Variants in DAB1 observed in about 807,000 individuals in gnomAD.
DAB1 encodes the protein disabled homolog 1.
Under a neutral mutation model 64.6 loss-of-function variants are expected in DAB1, and 15 were observed. The observed-to-expected ratio is 0.23, with a 90% CI of 0.16 to 0.36. DAB1 has a LOEUF of 0.36. DAB1 is among the 10% of genes least tolerant of loss of function. The pLI is 1.00. For missense variants in DAB1, 596 were observed against 706.7 expected (o/e 0.84, Z 1.78); for synonymous variants, 235 against 251.9 (o/e 0.93, Z 0.64).
intron 3 of DAB1, among the ~76,000 whole-genome samples, chr1:58,453,806 T>G (rs1322303473): frequency 6.6e-6 from 1 of 152,058 alleles, no homozygotes; most frequent in East Asian, 1.9e-4. Flanking sequence ...ATTGTAGGAC[T>G]TCACAAAGAT....
At chr1:58,301,234 A>C (rs59915141) in intron 4 of DAB1, among the ~76,000 whole-genome samples, 1 of 51,490 alleles carries the variant, frequency 1.9e-5, no homozygotes, top group African/African-American at 4.3e-5. Flanking sequence ...GGGGGTGGAG[A>C]GGGGGGGGTC....
chr1:57,217,595 G>A (rs1328726200), intron 2 of DAB1, among the ~76,000 whole-genome samples: 1 of 152,124 alleles, frequency 6.6e-6, no homozygotes, highest in East Asian at 1.9e-4. Flanking sequence ...GGAGCAAGGT[G>A]ACCAAAATCT....
intron 7 of DAB1, among the ~76,000 whole-genome samples, chr1:57,555,168 G>A (rs1456475615): frequency 6.6e-6 from 1 of 150,806 alleles, no homozygotes; most frequent in Non-Finnish European, 1.5e-5. Context: ...CCAAGTAGCT[G>A]GGACTACAGG....
In DAB1 at chr1:57,259,206, G is replaced by T. The variant is rs568441088; in HGVS notation, c.67+31758C>A. On this transcript the variant is annotated intron_variant, in intron 2 of 14. Transcript: ENST00000371236. ...CCAGGCCACTGTCTGACCTCTTTGG[G>T]TCATTCAGCCAAGAAACTCTAGTAA... Among the ~76,000 whole-genome samples, 44 of 152,258 alleles carry T rather than the reference G, an allele frequency of 2.9e-4. No individual in the cohort carries two copies. In the South Asian group the frequency reaches 7.7e-3, roughly 27 times the overall value.
intron 3 of DAB1, among the ~76,000 whole-genome samples, chr1:58,406,997 C>T (rs1182776914): frequency 6.6e-6 from 1 of 152,102 alleles, no homozygotes; most frequent in East Asian, 1.9e-4. Context: ...GTTATCATTG[C>T]CAGTAGCAGA....
At chr1:57,346,029 A>G (rs78986785) in intron 1 of DAB1, among the ~76,000 whole-genome samples, 267 of 152,324 alleles carry the variant, frequency 1.8e-3, no homozygotes, top group Middle Eastern at 0.01. Context: ...TGAGATCGAG[A>G]GAAGAAACCT....
chr1:58,501,744 G>A (rs4912196), intron 3 of DAB1, among the ~76,000 whole-genome samples: 11,495 of 152,146 alleles, frequency 0.076, 469 homozygotes, highest in Middle Eastern at 0.16. Context: ...GTGTGCTAAG[G>A]ACTCATGTGT....
intron 1 of DAB1, among the ~76,000 whole-genome samples, chr1:57,832,611 G>A (rs555475897): frequency 6.6e-6 from 1 of 152,312 alleles, no homozygotes; most frequent in South Asian, 2.1e-4. Context: ...GTTTTCCATG[G>A]TAAAAATCAG....
chr1:58,377,808 C>G (rs1644343796), intron 3 of DAB1, among the ~76,000 whole-genome samples: 1 of 139,808 alleles, frequency 7.2e-6, no homozygotes, highest in Non-Finnish European at 1.6e-5. Flanking sequence ...GCATCACTTT[C>G]AGGTACACCA....
intron 2 of DAB1, among the ~76,000 whole-genome samples, chr1:57,226,352 C>G (rs1283335844): frequency 6.6e-6 from 1 of 152,176 alleles, no homozygotes; most frequent in Non-Finnish European, 1.5e-5. Context: ...TCTCTTCCTT[C>G]CACGTTTCTC....
At chr1:57,836,993 G>C (rs538790407) in intron 1 of DAB1, among the ~76,000 whole-genome samples, 1 of 152,222 alleles carries the variant, frequency 6.6e-6, no homozygotes, top group East Asian at 1.9e-4. Context: ...CCTTGGCTCT[G>C]CTCTCTCCTT....
intron 1 of DAB1, among the ~76,000 whole-genome samples, chr1:57,840,551 GA>G (rs200136672): frequency 3.3e-5 from 5 of 151,086 alleles, no homozygotes; most frequent in Non-Finnish European, 5.9e-5. Flanking sequence ...GGTAATTTAT[GA>G]AAAAAAAAGA....
chr1:57,493,116 A>T (rs570623842), intron 7 of DAB1, among the ~76,000 whole-genome samples: 13 of 99,286 alleles, frequency 1.3e-4, no homozygotes, highest in Non-Finnish European at 2.0e-4. Context: ...GCAGGGATCA[A>T]ATTGTGTGTA....
At chr1:58,334,623 TATTATATTATATC>T (rs1391497034) in intron 4 of DAB1, among the ~76,000 whole-genome samples, 7 of 140,510 alleles carry the variant, frequency 5.0e-5, no homozygotes, top group African/African-American at 1.8e-4. Flanking sequence ...TATTATATTA[TATTATATTATATC>T]ATATCATATC....
At chr1:57,005,751 A>G (rs2100244619) in intron 14 of DAB1, among the ~76,000 whole-genome samples, 1 of 152,310 alleles carries the variant, frequency 6.6e-6, no homozygotes, top group African/African-American at 2.4e-5. Flanking sequence ...CTAGATTCAA[A>G]TCCTGGTGCT....
At chr1:57,351,603 A>G (rs1424122274) in intron 1 of DAB1, among the ~76,000 whole-genome samples, 1 of 152,160 alleles carries the variant, frequency 6.6e-6, no homozygotes, top group African/African-American at 2.4e-5. Context: ...AGATGTAGGC[A>G]GGGAAGGGAC....
chr1:58,331,904 T>C (rs1662977277), intron 4 of DAB1, among the ~76,000 whole-genome samples: 1 of 152,200 alleles, frequency 6.6e-6, no homozygotes, highest in South Asian at 2.1e-4. Context: ...TCAATAAATG[T>C]TTATGGAACG....
chr1:57,513,029 A>G (rs1380192830), intron 7 of DAB1, among the ~76,000 whole-genome samples: 1 of 152,200 alleles, frequency 6.6e-6, no homozygotes, highest in East Asian at 1.9e-4. Context: ...ACAAATTGTT[A>G]TTCCCATGTT....
intron 4 of DAB1, among the ~76,000 whole-genome samples, chr1:57,095,431 A>G (rs1349873101): frequency 1.3e-5 from 2 of 152,188 alleles, no homozygotes; most frequent in Non-Finnish European, 2.9e-5. Flanking sequence ...CAGGACTGGG[A>G]AACTTTGCAT....
Sources: gnomAD v4.1 joint callset for allele counts (sites outside exome capture counted in the v4.1 genomes callset) on GRCh38, gnomAD v4.1.1 for gene constraint, MANE v1.5 for transcripts, NCBI Gene and HGNC (gene_info 2026-07-23, HGNC 2026-07-21) for gene names.